The following NELL1 variants were observed in gnomAD, a reference collection of about 807,000 sequenced individuals.
NELL1 encodes protein kinase C-binding protein NELL1.
In NELL1, 76 loss-of-function variants were observed where a neutral mutation model predicts 107.4. That is an observed-to-expected ratio of 0.71 (90% confidence interval 0.59 to 0.86). The LOEUF (loss-of-function observed/expected upper bound fraction) is 0.86, where lower values mean the gene tolerates loss of function less well. NELL1 is among the 40% of genes least tolerant of loss of function. NELL1 has a pLI of 0.00. For synonymous variants in NELL1, 353 were observed against 341.2 expected (o/e 1.03, Z -0.38); for missense variants, 1,024 against 1,005.5 (o/e 1.02, Z -0.25).
rs554160070 is a variant in NELL1 at position 21,531,699 on chromosome 11, T to C, written c.1646-2675T>C. Among the ~76,000 whole-genome samples the C allele has an allele frequency of 2.6e-5, 4 of 152,302 alleles. No individual in the cohort carries two copies. In the East Asian group the frequency reaches 7.7e-4, roughly 29 times the overall value. On this transcript the variant is annotated intron_variant, in intron 15 of 19. Transcript: ENST00000357134. ...AGCCAGCCAGGCTCACAGTAATTTA[T>C]CAGAATTCCTTGAATGAGAGTTGAT...
chr11:21,241,891 G>C (rs1420929082), intron 14 of NELL1, among the ~76,000 whole-genome samples: 1 of 141,068 alleles, frequency 7.1e-6, no homozygotes, highest in Non-Finnish European at 1.5e-5. Flanking sequence ...GACTGAATTC[G>C]ATGTCTGTTT....
At chr11:20,922,913 A>G (rs1004077034) in intron 7 of NELL1, among the ~76,000 whole-genome samples, 1 of 152,180 alleles carries the variant, frequency 6.6e-6, no homozygotes, top group African/African-American at 2.4e-5. Flanking sequence ...CGGCACACAA[A>G]TGTCATTCAA....
At chr11:21,298,394 G>A (rs1849419393) in intron 14 of NELL1, among the ~76,000 whole-genome samples, 1 of 151,880 alleles carries the variant, frequency 6.6e-6, no homozygotes, top group Admixed American at 6.6e-5. Context: ...CTTCTCAGAT[G>A]TCTCCTTAGT....
intron 13 of NELL1, among the ~76,000 whole-genome samples, chr11:21,224,200 A>G (rs1857833677): frequency 6.6e-6 from 1 of 152,054 alleles, no homozygotes; most frequent in Non-Finnish European, 1.5e-5. Context: ...GGATGGTCAT[A>G]TCTCTCCTAA....
chr11:20,715,011 A>G (rs1489863546), intron 2 of NELL1, among the ~76,000 whole-genome samples: 1 of 152,156 alleles, frequency 6.6e-6, no homozygotes, highest in Non-Finnish European at 1.5e-5. Context: ...CGGGAGGCCA[A>G]GGCGGGCGGA....
chr11:21,282,079 T>C (rs1849008535), intron 14 of NELL1, among the ~76,000 whole-genome samples: 1 of 151,982 alleles, frequency 6.6e-6, no homozygotes, highest in African/African-American at 2.4e-5. Flanking sequence ...TGGGAGAAAA[T>C]ATTTTGCCAA....
intron 1 of NELL1, among the ~76,000 whole-genome samples, chr11:20,675,521 T>C (rs969497758): frequency 6.6e-6 from 1 of 152,330 alleles, no homozygotes; most frequent in Admixed American, 6.5e-5. Flanking sequence ...TGAAAGGCAC[T>C]TGGGCGACAG....
chr11:21,455,174 C>T (rs143446703), intron 15 of NELL1, among the ~76,000 whole-genome samples: 21 of 152,104 alleles, frequency 1.4e-4, no homozygotes, highest in African/African-American at 5.1e-4. Context: ...TATAGTTTTA[C>T]AGTTTTTCTT....
At chr11:21,101,424 A>G (rs1183229988) in intron 12 of NELL1, among the ~76,000 whole-genome samples, 11 of 152,222 alleles carry the variant, frequency 7.2e-5, no homozygotes, top group Non-Finnish European at 1.6e-4. Context: ...ACTGACTTCC[A>G]CAATGGTTGA....
At chr11:21,520,720 G>A (rs1302780754) in intron 15 of NELL1, among the ~76,000 whole-genome samples, 1 of 152,084 alleles carries the variant, frequency 6.6e-6, no homozygotes, top group Non-Finnish European at 1.5e-5. Context: ...ATCAGCACCC[G>A]CTTAAGATTC....
chr11:20,922,390 G>A (rs761390085), intron 7 of NELL1, among the ~76,000 whole-genome samples: 1 of 151,690 alleles, frequency 6.6e-6, no homozygotes, highest in African/African-American at 2.4e-5. Flanking sequence ...GAATACAGCA[G>A]TTTAGTTGGT....
At chr11:21,151,439 T>C (rs1375704040) in intron 13 of NELL1, among the ~76,000 whole-genome samples, 1 of 152,038 alleles carries the variant, frequency 6.6e-6, no homozygotes, top group African/African-American at 2.4e-5. Flanking sequence ...GAATGATGTG[T>C]GTATTTGTGT....
intron 2 of NELL1, among the ~76,000 whole-genome samples, chr11:20,709,007 G>A (rs1855045493): frequency 6.6e-6 from 1 of 152,134 alleles, no homozygotes; most frequent in Non-Finnish European, 1.5e-5. Context: ...GCTCCTATGA[G>A]AATCTAATGC....
At chr11:21,307,605 T>C (rs1218777422) in intron 14 of NELL1, among the ~76,000 whole-genome samples, 1 of 151,962 alleles carries the variant, frequency 6.6e-6, no homozygotes, top group Non-Finnish European at 1.5e-5. Context: ...GTTAAGGATA[T>C]TCTGGATATT....
At chr11:21,169,688 C>T in intron 13 of NELL1, 1 of 602,490 alleles carries the variant, frequency 1.7e-6, no homozygotes, top group South Asian at 2.1e-5. Context: ...CCTAATGGGA[C>T]TGTAAATCAT....
intron 13 of NELL1, among the ~76,000 whole-genome samples, chr11:21,116,667 G>GAA: frequency 6.6e-6 from 1 of 151,920 alleles, no homozygotes; most frequent in South Asian, 2.1e-4. Flanking sequence ...TCTCCCCAGG[G>GAA]GTTACACTTG....
intron 15 of NELL1, among the ~76,000 whole-genome samples, chr11:21,414,815 G>T (rs1006596653): frequency 2.0e-5 from 3 of 152,028 alleles, no homozygotes; most frequent in African/African-American, 7.2e-5. Context: ...TCCCGGAATA[G>T]TTTCAACCTG....
chr11:21,046,443 G>T (rs10833441), intron 12 of NELL1, among the ~76,000 whole-genome samples: 50,400 of 151,846 alleles, frequency 0.33, 9,475 homozygotes, highest in East Asian at 0.58. Flanking sequence ...TTCTGTGCAG[G>T]CTCAATTCTC....
chr11:21,539,379 A>C (rs764740123), intron 16 of NELL1, among the ~76,000 whole-genome samples: 5 of 152,038 alleles, frequency 3.3e-5, no homozygotes, highest in Non-Finnish European at 7.4e-5. Context: ...GCCTTTTCAC[A>C]AGGACAGAGG....
Sources: gnomAD v4.1 joint callset for allele counts (sites outside exome capture counted in the v4.1 genomes callset) on GRCh38, gnomAD v4.1.1 for gene constraint, MANE v1.5 for transcripts, NCBI Gene and HGNC (gene_info 2026-07-23, HGNC 2026-07-21) for gene names.